Variants in USH2A observed in about 807,000 individuals in gnomAD.
USH2A encodes the protein Usher syndrome 2A (autosomal recessive, mild).
In USH2A, 443 loss-of-function variants were observed where a neutral mutation model predicts 538.9. The observed-to-expected ratio is 0.82, with a 90% CI of 0.76 to 0.89. The LOEUF (loss-of-function observed/expected upper bound fraction) is 0.89, where lower values mean the gene tolerates loss of function less well. Ranked by LOEUF, USH2A falls within the 40% of genes least tolerant of loss-of-function variation. The pLI, the probability that USH2A is intolerant of heterozygous loss-of-function variation, is 0.00. For missense variants in USH2A, 6,633 were observed against 6,324.8 expected, an observed-to-expected ratio of 1.05 and a Z score of -1.65; for synonymous variants, 2,413 against 2,273.5, an observed-to-expected ratio of 1.06 and a Z score of -1.75.
intron 21 of USH2A, among the ~76,000 whole-genome samples, chr1:216,168,319 C>A (rs1441531881): frequency 1.3e-5 from 2 of 151,746 alleles, no homozygotes; most frequent in Non-Finnish European, 2.9e-5. Flanking sequence ...TCCAAAATGC[C>A]AACATACTGG....
chr1:216,133,411 G>A (rs966107753), intron 21 of USH2A, among the ~76,000 whole-genome samples: 3 of 152,010 alleles, frequency 2.0e-5, no homozygotes, highest in African/African-American at 7.2e-5. Context: ...AACTTGGTGT[G>A]CTTACATAAA....
Position 216,227,682 on chromosome 1 carries a change from G to A in USH2A, c.2993+4271C>T, listed in dbSNP as rs568329308. On this transcript the variant is annotated intron_variant, in intron 14 of 71. Coordinates refer to ENST00000307340, the MANE Select transcript of USH2A (RefSeq NM_206933.4). The stretch of plus-strand genomic sequence containing the variant: ...GTGACAATGTAGACAAGCTGGAGGT[G>A]GAGAAAAGATAATCTGGAGATACAT... Among the ~76,000 whole-genome samples, 5 of 152,224 alleles carry A rather than the reference G, an allele frequency of 3.3e-5. No homozygotes were observed. The South Asian group carries it at 1.0e-3, about 32-fold the overall frequency.
At chr1:215,890,032 C>G (rs1023868895) in intron 40 of USH2A, among the ~76,000 whole-genome samples, 1 of 152,148 alleles carries the variant, frequency 6.6e-6, no homozygotes, top group Non-Finnish European at 1.5e-5. Context: ...TTACTGCTCT[C>G]TAGGTACAAG....
chr1:215,872,845 A>G (rs1452093424), intron 43 of USH2A, among the ~76,000 whole-genome samples: 2 of 151,906 alleles, frequency 1.3e-5, no homozygotes, highest in Non-Finnish European at 2.9e-5. Context: ...AGAGCATGGC[A>G]TTCCTCCCAG....
At chr1:216,213,288 A>G (rs935880901) in intron 15 of USH2A, among the ~76,000 whole-genome samples, 1 of 152,142 alleles carries the variant, frequency 6.6e-6, no homozygotes, top group Non-Finnish European at 1.5e-5. Flanking sequence ...ATCATCTACA[A>G]GTAAAGAAAA....
intron 62 of USH2A, among the ~76,000 whole-genome samples, chr1:215,676,222 A>T (rs1658020102): frequency 6.6e-6 from 1 of 152,088 alleles, no homozygotes; most frequent in Non-Finnish European, 1.5e-5. Flanking sequence ...TGACTAGGGG[A>T]TGGAAAAAAA....
At chr1:215,809,918 T>G (rs1487515160) in intron 49 of USH2A, among the ~76,000 whole-genome samples, 1 of 152,150 alleles carries the variant, frequency 6.6e-6, no homozygotes, top group Non-Finnish European at 1.5e-5. Flanking sequence ...TTGGGACCAT[T>G]GCGCTTTTTT....
intron 61 of USH2A, among the ~76,000 whole-genome samples, chr1:215,709,645 T>TAAAAAAAAAAAAAAAAAAAAAAAAAAA (rs5780846): frequency 7.9e-6 from 1 of 127,036 alleles, no homozygotes; most frequent in Non-Finnish European, 1.6e-5. Context: ...AGATAATTTG[T>TAAAAAAAAAAAAAAAAAAAAAAAAAAA]AAAAAAAAAA....
chr1:216,327,461 C>T, intron 5 of USH2A, 130 bp downstream of exon 5: 1 of 1,053,280 alleles, frequency 9.5e-7, no homozygotes, highest in Non-Finnish European at 1.4e-6. Flanking sequence ...ACACTGTAAA[C>T]ATTAATTAGG....
At chr1:216,003,299 G>T (rs554668810) in intron 32 of USH2A, among the ~76,000 whole-genome samples, 1 of 152,080 alleles carries the variant, frequency 6.6e-6, no homozygotes, top group Non-Finnish European at 1.5e-5. Context: ...GTATTATGAA[G>T]TTTATGGGTA....
chr1:216,129,227 T>A (rs781625350), intron 21 of USH2A, among the ~76,000 whole-genome samples: 6 of 152,124 alleles, frequency 3.9e-5, no homozygotes, highest in African/African-American at 7.2e-5. Flanking sequence ...AGTGTAAATA[T>A]CTCTTTGATA....
chr1:215,895,447 TGA>T (rs1483147420), intron 40 of USH2A, among the ~76,000 whole-genome samples: 4 of 152,172 alleles, frequency 2.6e-5, no homozygotes, highest in Non-Finnish European at 5.9e-5. Flanking sequence ...AGCTGGGGCT[TGA>T]TGAATGTGTA....
intron 10 of USH2A, among the ~76,000 whole-genome samples, chr1:216,291,656 A>G (rs533905305): frequency 3.9e-5 from 6 of 152,326 alleles, no homozygotes; most frequent in Non-Finnish European, 5.9e-5. Context: ...TTTTTCAATG[A>G]CTAGTCAAAG....
intron 9 of USH2A, among the ~76,000 whole-genome samples, chr1:216,311,091 T>A (rs894883244): frequency 1.2e-4 from 18 of 152,174 alleles, no homozygotes; most frequent in African/African-American, 4.3e-4. Flanking sequence ...AGTGAAATAA[T>A]CCTCCTGCAT....
chr1:216,084,807 A>G lies in USH2A; in HGVS notation c.5058T>C (p.Ala1686=). Residue 1686 remains alanine, a synonymous_variant, in exon 25 of 72, where the codon GCT becomes GCC. Coordinates refer to ENST00000307340, the MANE Select transcript of USH2A (RefSeq NM_206933.4). Reference sequence around the variant, plus strand: ...TCTGCCAATCCAGAGGTTCCCAAATAGCTGACGGATTGTAATTCTTCATAA... The same window carrying G: ...TCTGCCAATCCAGAGGTTCCCAAATGGCTGACGGATTGTAATTCTTCATAA... The part of the protein sequence containing the change: ...VHFMKNYNPS[A]IWEPLDWQSS... 3 of 1,613,628 alleles carry G rather than the reference A, an allele frequency of 1.9e-6. No homozygotes were observed. Among genetic ancestry groups the G allele is most frequent in the Non-Finnish European group, 2.5e-6 (3 of 1,179,696 alleles).
intron 14 of USH2A, among the ~76,000 whole-genome samples, chr1:216,229,544 G>A (rs1003405186): frequency 1.3e-5 from 2 of 151,984 alleles, no homozygotes; most frequent in African/African-American, 4.8e-5. Context: ...TAAACTCCTG[G>A]ACTCAAGGGA....
intron 4 of USH2A, among the ~76,000 whole-genome samples, chr1:216,334,463 G>A (rs1203891023): frequency 6.6e-6 from 1 of 151,950 alleles, no homozygotes; most frequent in Non-Finnish European, 1.5e-5. Flanking sequence ...AAGTGACATT[G>A]TAACTACCTT....
chr1:216,318,721 A>G (rs1366883191), intron 9 of USH2A, among the ~76,000 whole-genome samples: 1 of 146,884 alleles, frequency 6.8e-6, no homozygotes, highest in African/African-American at 2.7e-5. Flanking sequence ...TGTTTTCAAA[A>G]GGTACTTAAG....
intron 34 of USH2A, 102 bp downstream of exon 34, chr1:215,998,785 A>C: frequency 8.2e-7 from 1 of 1,225,304 alleles, no homozygotes; most frequent in Non-Finnish European, 1.2e-6. Context: ...GAAGATTTTG[A>C]CTTTTTTTTT....
Sources: allele counts gnomAD v4.1 joint callset (sites outside exome capture counted in the v4.1 genomes callset), GRCh38; gene constraint gnomAD v4.1.1; transcripts MANE v1.5; gene names NCBI Gene and HGNC (gene_info 2026-07-23, HGNC 2026-07-21).